The following ITSN2 variants were observed in gnomAD, a reference collection of about 807,000 sequenced individuals.
The protein encoded by ITSN2 is intersectin-2.
In ITSN2, 156 loss-of-function variants were observed where a neutral mutation model predicts 243.7. That is an observed-to-expected ratio of 0.64 (90% CI 0.56 to 0.73). The LOEUF (loss-of-function observed/expected upper bound fraction) is 0.73, where lower values mean the gene tolerates loss of function less well. ITSN2 is among the 30% of genes least tolerant of loss of function. ITSN2 has a pLI of 0.00. For missense variants in ITSN2, 1,801 were observed against 1,996.1 expected, an observed-to-expected ratio of 0.90 and a Z score of 1.86; for synonymous variants, 703 against 699.9, an observed-to-expected ratio of 1.00 and a Z score of -0.07.
chr2:24,328,469 T>TG (rs913530439), intron 1 of ITSN2, among the ~76,000 whole-genome samples: 1 of 145,790 alleles, frequency 6.9e-6, no homozygotes, highest in African/African-American at 2.5e-5. Flanking sequence ...AATCCATACT[T>TG]TTTTTTTTTT....
rs1021433183 is a variant in ITSN2, at chr2:24,249,619, T to G, written c.3121-737A>C. 2.2e-3 allele frequency among the ~76,000 whole-genome samples: 338 copies of G among 152,224 alleles called. 3 individuals carry two copies. The highest frequency in any genetic ancestry group is 4.0e-4 in the Non-Finnish European group (27 of 68,000). On this transcript the variant is annotated intron_variant, in intron 25 of 39. Coordinates refer to ENST00000355123, the MANE Select transcript of ITSN2 (RefSeq NM_006277.3). This position sits in a 1 kb window ranked among gnomAD's most constrained non-coding sequence, Gnocchi z 4.4. ...GTATAACAGACACTGCTCTAAGAGGTTCCATATATTCTGCTATTTAATTTT... is the reference window on the plus strand; with the variant it reads ...GTATAACAGACACTGCTCTAAGAGGGTCCATATATTCTGCTATTTAATTTT...
rs191691747 is a variant in ITSN2, at chr2:24,342,919, C to T, written c.-33-14804G>A. On this transcript the variant is annotated intron_variant, in intron 1 of 39. Transcript: ENST00000355123. The stretch of plus-strand genomic sequence containing the variant: ...CAGCCTGGGCAACACAGTGAAACCC[C>T]TCTCTACCAAAAATAAAAAAAATCA... Among the ~76,000 whole-genome samples, 79 of 151,760 alleles carry T rather than the reference C, an allele frequency of 5.2e-4. No individual in the cohort carries two copies. In the East Asian group the frequency reaches 0.013, roughly 25 times the overall value.
In ITSN2 at chr2:24,204,093, C is replaced by A. The variant is rs1041726352; in HGVS notation, c.4936+152G>T. ...AGGCCACCTCCTCCCCTGAGGAAGG[C>A]CACCCACCTGCTGCCAAAGCGAGAT... On this transcript the variant is annotated intron_variant, in intron 39 of 39. Transcript: ENST00000355123. This position sits in a 1 kb window ranked among gnomAD's most constrained non-coding sequence, Gnocchi z 5.1. 9.4e-5 allele frequency: 72 copies of A among 765,992 alleles called. 2 individuals carry two copies. In the Admixed American group the frequency reaches 1.8e-3, roughly 19 times the overall value. 47.4% of individuals were successfully genotyped at this position (765,992 alleles called of 1,614,324 possible).
chr2:24,298,594 C>G, intron 13 of ITSN2, 71 bp downstream of exon 13: 1 of 1,442,360 alleles, frequency 6.9e-7, no homozygotes, highest in Non-Finnish European at 9.4e-7. Flanking sequence ...CCACGCCTGG[C>G]CCACAATTAC....
chr2:24,298,725 T>C lies in ITSN2; in HGVS notation c.1434A>G (p.Gln478=), dbSNP rs1233578539. 1.2e-6 allele frequency: 2 copies of C among 1,613,144 alleles called. No individual in the cohort carries two copies. The highest frequency in any genetic ancestry group is 1.7e-6 in the Non-Finnish European group (2 of 1,179,556). Residue 478 remains glutamine (Q), a synonymous_variant, in exon 13 of 40, where the codon CAA becomes CAG. Coordinates refer to ENST00000355123, the MANE Select transcript of ITSN2 (RefSeq NM_006277.3). ...TAGAGTTTAACCTGACAATTTCTTC[T>C]TGTTCTCTATTCTTTTGATTGAGAA... is the stretch of plus-strand genomic sequence containing the variant. The part of the protein sequence containing the change: ...QELLNQKNRE[Q]EEIVRLNSKK...
At chr2:24,223,377 T>C (rs554716164) in intron 29 of ITSN2, among the ~76,000 whole-genome samples, 3 of 151,078 alleles carry the variant, frequency 2.0e-5, no homozygotes, top group Non-Finnish European at 3.0e-5. Context: ...ATAAGGCAGG[T>C]TATGTTTGGT....
intron 29 of ITSN2, among the ~76,000 whole-genome samples, chr2:24,226,125 T>C (rs1293681508): frequency 6.6e-6 from 1 of 152,202 alleles, no homozygotes; most frequent in Admixed American, 6.5e-5. Context: ...ATTTCTGTAA[T>C]AGCAAGCTGA....
In ITSN2 at chr2:24,205,307, A is replaced by ATT; in HGVS notation, c.4679-11_4679-10insAA. On this transcript the variant is annotated splice_polypyrimidine_tract_variant and intron_variant, in intron 37 of 39. Transcript: ENST00000355123. ...GTCTTTTGGGAGCGGGCTACAAAAGAGGAAGACAAGTCTCATTAATCTCTT... is the reference window on the plus strand; with the variant it reads ...GTCTTTTGGGAGCGGGCTACAAAAGATTGGAAGACAAGTCTCATTAATCTCTT... The ATT allele has an allele frequency of 6.2e-7, 1 of 1,610,872 alleles. No homozygotes were observed. Among genetic ancestry groups the ATT allele is most frequent in the South Asian group, 1.1e-5 (1 of 91,010 alleles).
chr2:24,298,865 G>A (rs751377894), intron 12 of ITSN2, 51 bp from the exon 13 acceptor site: 59 of 1,532,022 alleles, frequency 3.9e-5, no homozygotes, highest in Middle Eastern at 1.7e-4. Context: ...AATTTTGCAC[G>A]ATTCAAAAAC....
rs1386839125 is a variant in ITSN2 at position 24,337,325 on chromosome 2, T to TATATAC, written c.-33-9211_-33-9210insGTATAT. ...TGTGTGTATACACAAAATATATATA[T>TATATAC]ATATATATATATATATATATATATA... is the stretch of plus-strand genomic sequence containing the variant. On this transcript the variant is annotated intron_variant, in intron 1 of 39. Transcript: ENST00000355123. Among the ~76,000 whole-genome samples the TATATAC allele has an allele frequency of 4.4e-3, 415 of 94,446 alleles. 59 individuals carry two copies. Among genetic ancestry groups the TATATAC allele is most frequent in the Middle Eastern group, 0.013 (3 of 228 alleles). The allele number at this position is 94,446 out of a possible 152,430, so 62.0% of individuals were successfully genotyped here.
intron 1 of ITSN2, among the ~76,000 whole-genome samples, chr2:24,358,188 C>A (rs572467645): frequency 6.6e-6 from 1 of 152,210 alleles, no homozygotes; most frequent in East Asian, 1.9e-4. Flanking sequence ...GGATTACAGG[C>A]ATGAGCCAGG....
At chr2:24,228,271 G>C (rs1558452677) in intron 29 of ITSN2, among the ~76,000 whole-genome samples, 2 of 152,082 alleles carry the variant, frequency 1.3e-5, no homozygotes, top group African/African-American at 4.8e-5. Flanking sequence ...AGATGACAGA[G>C]AAATAAACAC....
chr2:24,210,520 G>C lies in ITSN2; in HGVS notation c.4257+260C>G, dbSNP rs528722767. Among the ~76,000 whole-genome samples the C allele has an allele frequency of 9.4e-5, 14 of 149,048 alleles. No individual in the cohort carries two copies. In the South Asian group the frequency reaches 2.7e-3, roughly 29 times the overall value. On this transcript the variant is annotated intron_variant, in intron 34 of 39. Transcript: ENST00000355123. ...CCAGCTACTTGGGAGATGGAGGCCA[G>C]AGAATCGCTCCAACCCGGGAGGCAG...
intron 1 of ITSN2, among the ~76,000 whole-genome samples, chr2:24,332,860 T>C (rs1218540810): frequency 6.6e-6 from 1 of 152,204 alleles, no homozygotes; most frequent in African/African-American, 2.4e-5. Context: ...TACCATTAAT[T>C]CAATACACTT....
intron 17 of ITSN2, among the ~76,000 whole-genome samples, chr2:24,284,174 T>G (rs1679176562): frequency 6.6e-6 from 1 of 152,234 alleles, no homozygotes; most frequent in Non-Finnish European, 1.5e-5. Flanking sequence ...TTTTTAATAA[T>G]CTACGTTATA....
chr2:24,272,610 C>A (rs538548943), intron 18 of ITSN2, among the ~76,000 whole-genome samples: 9 of 151,918 alleles, frequency 5.9e-5, no homozygotes, highest in South Asian at 2.1e-4. Flanking sequence ...TTTTTAATTT[C>A]TTTTTTATAA....
chr2:24,282,313 A>G (rs749908439), intron 17 of ITSN2, among the ~76,000 whole-genome samples: 20 of 152,206 alleles, frequency 1.3e-4, no homozygotes, highest in Non-Finnish European at 2.8e-4. Flanking sequence ...CCAGAGGAAC[A>G]ATGCGGAGTT....
intron 15 of ITSN2, among the ~76,000 whole-genome samples, chr2:24,292,011 C>T (rs1431756648): frequency 6.6e-6 from 1 of 152,042 alleles, no homozygotes; most frequent in African/African-American, 2.4e-5. Context: ...CCTGAGCTCA[C>T]AATGGGAATA....
rs754654026 is a variant in ITSN2 at position 24,312,386 on chromosome 2, C to T, written c.189-11G>A. On this transcript the variant is annotated splice_polypyrimidine_tract_variant and intron_variant, in intron 4 of 39. Coordinates refer to ENST00000355123, the MANE Select transcript of ITSN2 (RefSeq NM_006277.3). Reference sequence around the variant, plus strand: ...AGGTCTGATAAAGCCCTAAAAGGAGCATGAGGTAGGTAGATTGCTATGTGG... The same window carrying T: ...AGGTCTGATAAAGCCCTAAAAGGAGTATGAGGTAGGTAGATTGCTATGTGG... 1.1e-5 allele frequency: 17 copies of T among 1,593,158 alleles called. No homozygotes were observed. The highest frequency in any genetic ancestry group is 6.8e-6 in the Non-Finnish European group (8 of 1,168,360).
Sources: allele counts gnomAD v4.1 joint callset (sites outside exome capture counted in the v4.1 genomes callset), GRCh38; gene constraint gnomAD v4.1.1; non-coding constraint Gnocchi (gnomAD v3.1); transcripts MANE v1.5; gene names NCBI Gene and HGNC (gene_info 2026-07-23, HGNC 2026-07-21).